Variants in ERI3 observed in about 807,000 individuals in gnomAD.
The protein encoded by ERI3 is ERI1 exoribonuclease 3.
A neutral mutation model predicts 44.4 loss-of-function variants in ERI3; 18 were observed. The observed-to-expected ratio is 0.41, with a 90% CI of 0.28 to 0.60. The LOEUF (loss-of-function observed/expected upper bound fraction) is 0.60, where lower values mean the gene tolerates loss of function less well. Among genes scored for constraint, ERI3 ranks in the 20% least tolerant of loss-of-function variants. ERI3 has a pLI of 0.36. For synonymous variants in ERI3, 183 were observed against 164.8 expected, an observed-to-expected ratio of 1.11 and a Z score of -0.84; for missense variants, 294 against 435.5, an observed-to-expected ratio of 0.68 and a Z score of 2.89.
At chr1:44,325,269 G>A (rs1397575294) in intron 3 of ERI3, among the ~76,000 whole-genome samples, 1 of 151,900 alleles carries the variant, frequency 6.6e-6, no homozygotes, top group Non-Finnish European at 1.5e-5. Context: ...TAGAGACAGG[G>A]TTTCACCATA....
intron 3 of ERI3, among the ~76,000 whole-genome samples, chr1:44,330,745 T>C (rs1179267297): frequency 6.6e-6 from 1 of 152,076 alleles, no homozygotes; most frequent in African/African-American, 2.4e-5. Flanking sequence ...ATCACATAAA[T>C]GTAAGAATGT....
chr1:44,266,659 C>G (rs1644996228), intron 7 of ERI3, among the ~76,000 whole-genome samples: 1 of 152,214 alleles, frequency 6.6e-6, no homozygotes, highest in African/African-American at 2.4e-5. Flanking sequence ...GTGCCTGACC[C>G]AGTAGGTGCT....
chr1:44,234,226 T>C (rs1380794800), intron 8 of ERI3, among the ~76,000 whole-genome samples: 1 of 150,056 alleles, frequency 6.7e-6, no homozygotes, highest in Non-Finnish European at 1.5e-5. Flanking sequence ...CCATATATTT[T>C]TCAATAATTT....
intron 7 of ERI3, chr1:44,256,730 C>T (rs1439630482): frequency 6.6e-6 from 1 of 152,222 alleles, no homozygotes; most frequent in Non-Finnish European, 1.5e-5. Flanking sequence ...CTGGGGGTCC[C>T]AGGAGTGGAA....
chr1:44,285,060 C>T (rs1422131548), intron 6 of ERI3, among the ~76,000 whole-genome samples, 153 bp from the exon 7 acceptor site: 1 of 152,216 alleles, frequency 6.6e-6, no homozygotes, highest in Non-Finnish European at 1.5e-5. Context: ...AGAAAGGGAA[C>T]CCCACCTCCA....
At chr1:44,314,944 C>T (rs900307695) in intron 4 of ERI3, among the ~76,000 whole-genome samples, 1 of 152,182 alleles carries the variant, frequency 6.6e-6, no homozygotes, top group African/African-American at 2.4e-5. Context: ...CCTGTTTTGC[C>T]TCAGGCATGA....
At chr1:44,351,161 G>C (rs1209381579) in intron 2 of ERI3, among the ~76,000 whole-genome samples, 1 of 151,936 alleles carries the variant, frequency 6.6e-6, no homozygotes, top group Non-Finnish European at 1.5e-5. Context: ...AGCCTCCCAA[G>C]TAGCTGGGAT....
In ERI3 at chr1:44,221,538, C is replaced by G; in HGVS notation, c.*20G>C. 1.2e-6 allele frequency: 2 copies of G among 1,609,066 alleles called. No individual in the cohort carries two copies. Among genetic ancestry groups the G allele is most frequent in the Middle Eastern group, 1.7e-4 (1 of 5,962 alleles). On this transcript the variant is annotated 3_prime_UTR_variant, in exon 9 of 9. Coordinates refer to ENST00000372257, the MANE Select transcript of ERI3 (RefSeq NM_024066.3). This position sits in a 1 kb window ranked among gnomAD's most constrained non-coding sequence, Gnocchi z 5.9. ...GGGCCAAACAGCTACCCTGTCCTGC[C>G]CCATCCTGTCCTCGGCCAATCAGAA...
At chr1:44,318,890 T>C (rs1461487742) in intron 4 of ERI3, among the ~76,000 whole-genome samples, 2 of 152,208 alleles carry the variant, frequency 1.3e-5, no homozygotes, top group Non-Finnish European at 2.9e-5. Flanking sequence ...ACTGAGTGCA[T>C]TACATGACAT....
chr1:44,265,107 G>C (rs1644964538), intron 7 of ERI3, among the ~76,000 whole-genome samples: 1 of 151,130 alleles, frequency 6.6e-6, no homozygotes, highest in Non-Finnish European at 1.5e-5. Context: ...CACAGATCCA[G>C]CCCTCCATGC....
intron 3 of ERI3, among the ~76,000 whole-genome samples, chr1:44,331,970 T>C (rs916838330): frequency 2.6e-5 from 4 of 152,348 alleles, no homozygotes; most frequent in African/African-American, 7.2e-5. Flanking sequence ...TACAGCCTAA[T>C]GGTTGTTACA....
chr1:44,338,650 G>A (rs1338855316), intron 3 of ERI3, among the ~76,000 whole-genome samples: 1 of 152,204 alleles, frequency 6.6e-6, no homozygotes, highest in East Asian at 1.9e-4. Flanking sequence ...AGTGCAGGAG[G>A]GGAACTACCA....
chr1:44,332,617 G>C (rs760403640), intron 3 of ERI3, among the ~76,000 whole-genome samples: 1 of 152,218 alleles, frequency 6.6e-6, no homozygotes, highest in South Asian at 2.1e-4. Flanking sequence ...TCCATTCCCC[G>C]AGATGTATAT....
intron 7 of ERI3, among the ~76,000 whole-genome samples, chr1:44,280,025 CAT>C (rs1309403909): frequency 1.3e-5 from 2 of 152,170 alleles, no homozygotes; most frequent in African/African-American, 2.4e-5. Context: ...TAGATCACCA[CAT>C]GTTATGGACC....
chr1:44,238,040 G>A (rs568642920), intron 8 of ERI3, among the ~76,000 whole-genome samples: 9 of 152,222 alleles, frequency 5.9e-5, no homozygotes, highest in African/African-American at 1.4e-4. Flanking sequence ...GGCCCTACGC[G>A]GCCTCTGCTC....
intron 7 of ERI3, among the ~76,000 whole-genome samples, chr1:44,276,718 AC>A (rs1645187212): frequency 6.6e-6 from 1 of 151,702 alleles, no homozygotes; most frequent in African/African-American, 2.4e-5. Context: ...TATCCATCAG[AC>A]CCCCTGCTAT....
chr1:44,231,968 T>C (rs922572119), intron 8 of ERI3, among the ~76,000 whole-genome samples: 6 of 152,176 alleles, frequency 3.9e-5, no homozygotes, highest in Non-Finnish European at 7.4e-5. Context: ...TCTTCCAACC[T>C]TGAGGGGAGT....
chr1:44,347,775 T>A (rs1646813006), intron 2 of ERI3, among the ~76,000 whole-genome samples: 3 of 148,616 alleles, frequency 2.0e-5, no homozygotes, highest in Non-Finnish European at 3.0e-5. Flanking sequence ...GTGCATGTGT[T>A]AAAAAAAAAA....
intron 6 of ERI3, among the ~76,000 whole-genome samples, 184 bp from the exon 7 acceptor site, chr1:44,285,091 C>T (rs973220410): frequency 6.6e-6 from 1 of 152,204 alleles, no homozygotes; most frequent in African/African-American, 2.4e-5. Context: ...CACTGGGCTC[C>T]AGCTCTAGCC....
Sources: allele counts gnomAD v4.1 joint callset (sites outside exome capture counted in the v4.1 genomes callset), GRCh38; gene constraint gnomAD v4.1.1; non-coding constraint Gnocchi (gnomAD v3.1); transcripts MANE v1.5; gene names NCBI Gene and HGNC (gene_info 2026-07-23, HGNC 2026-07-21).